Variants in MAP3K15 observed in about 807,000 individuals in gnomAD.
MAP3K15 encodes MAPK/ERK kinase kinase 15.
MAP3K15 carries 124 observed loss-of-function variants against 99.5 expected under a neutral mutation model. The observed-to-expected ratio is 1.25, with a 90% confidence interval of 1.08 to 1.45. The LOEUF is 1.45. Among genes scored for constraint, MAP3K15 ranks in the 40% most tolerant of loss-of-function variants. The probability of loss-of-function intolerance (pLI) is 0.00; values close to 1 mark genes in which losing one functional copy is unlikely to be tolerated. For synonymous variants in MAP3K15, 494 were observed against 439.6 expected (o/e 1.12, Z -1.55); for missense variants, 1,242 against 1,079.7 (o/e 1.15, Z -2.11).
intron 3 of MAP3K15, among the ~76,000 whole-genome samples, chrX:19,485,748 C>G (rs2064320379): frequency 9.1e-6 from 1 of 110,463 alleles, no homozygotes; most frequent in Non-Finnish European, 1.9e-5. Flanking sequence ...GAGACTAAGG[C>G]TGTAAGGTGG....
intron 3 of MAP3K15, among the ~76,000 whole-genome samples, chrX:19,481,610 G>A (rs1247192002): frequency 1.8e-5 from 2 of 111,603 alleles, no homozygotes; most frequent in Admixed American, 9.5e-5. Context: ...AATTTTAAAC[G>A]GGCAAAAGAT....
chrX:19,495,845 A>T (rs908917719), intron 1 of MAP3K15, among the ~76,000 whole-genome samples: 3 of 111,506 alleles, frequency 2.7e-5, no homozygotes, highest in South Asian at 3.8e-4. Context: ...CAATATTGTT[A>T]CTTAGGAGGC....
At chrX:19,374,332 C>T (rs1187015791) in intron 20 of MAP3K15, 145 bp downstream of exon 20, 1 of 509,164 alleles carries the variant, frequency 2.0e-6, no homozygotes, top group Non-Finnish European at 3.2e-6. Context: ...CTGCACAGGC[C>T]CCGTCACTCT....
chrX:19,373,511 G>A, intron 21 of MAP3K15, 25 bp downstream of exon 21: 3 of 1,164,064 alleles, frequency 2.6e-6, no homozygotes, highest in Non-Finnish European at 3.4e-6. Flanking sequence ...CGGGCCCGCG[G>A]CAGACAGACA....
At chrX:19,376,547 G>C (rs2063419199) in intron 19 of MAP3K15, among the ~76,000 whole-genome samples, 1 of 110,409 alleles carries the variant, frequency 9.1e-6, no homozygotes, top group African/African-American at 3.3e-5. Context: ...CTGGGCCCAA[G>C]GGATCCTCCT....
intron 6 of MAP3K15, among the ~76,000 whole-genome samples, chrX:19,434,104 T>G (rs1230472799): frequency 8.9e-6 from 1 of 112,654 alleles, no homozygotes; most frequent in African/African-American, 3.2e-5. Context: ...TCTGTAAGGA[T>G]ACATATTAAA....
At chrX:19,435,329 G>A (rs2063914045) in intron 6 of MAP3K15, among the ~76,000 whole-genome samples, 2 of 108,803 alleles carry the variant, frequency 1.8e-5, no homozygotes, top group Admixed American at 2.0e-4. Context: ...AGGCTCAAGC[G>A]ATCCACCCAC....
chrX:19,505,539 A>T (rs1220673047), intron 1 of MAP3K15, among the ~76,000 whole-genome samples: 1 of 110,824 alleles, frequency 9.0e-6, no homozygotes, highest in Non-Finnish European at 1.9e-5. Context: ...ATCATCGTCT[A>T]TATGGGGACT....
chrX:19,497,865 C>G (rs2064417198), intron 1 of MAP3K15: 1 of 111,281 alleles, frequency 9.0e-6, no homozygotes, highest in Non-Finnish European at 1.9e-5. Flanking sequence ...TTGCGTTCCT[C>G]TGCACAGGAC....
chrX:19,371,457 G>C lies in MAP3K15; in HGVS notation c.3182C>G (p.Ser1061Cys). The C allele has an allele frequency of 8.3e-7, 1 of 1,210,698 alleles. No individual in the cohort carries two copies. The highest frequency in any genetic ancestry group is 1.8e-5 in the South Asian group (1 of 56,927). ...GGTCGCCATCACCCGGTGCTCTGGG[G>C]AGCGGATGAAGTCCCTCAGGATCCC... ...IIGILRDFIR[S>C]PEHRVMATTI... The change falls in exon 23 of 29, where the codon TCC becomes TGC. Residue 1061 changes from serine to cysteine, a missense_variant. Coordinates refer to ENST00000338883, the MANE Select transcript of MAP3K15 (RefSeq NM_001001671.4).
At chrX:19,487,144 G>A (rs1452696849) in intron 2 of MAP3K15, among the ~76,000 whole-genome samples, 1 of 106,096 alleles carries the variant, frequency 9.4e-6, no homozygotes, top group Non-Finnish European at 1.9e-5. Flanking sequence ...GGGGGGAAGG[G>A]CGGAGAAAAC....
chrX:19,502,533 T>C (rs182933538), intron 1 of MAP3K15, among the ~76,000 whole-genome samples: 3 of 111,601 alleles, frequency 2.7e-5, no homozygotes, highest in Middle Eastern at 4.2e-3. Context: ...TAAACCTCTT[T>C]TGGGGCCAGG....
At chrX:19,406,913 CTGG>C (rs1380613254) in intron 13 of MAP3K15, among the ~76,000 whole-genome samples, 1 of 111,642 alleles carries the variant, frequency 9.0e-6, no homozygotes, top group Non-Finnish European at 1.9e-5. Context: ...GTTGGTCAGG[CTGG>C]TCTCAAACTC....
rs994107163 is a variant in MAP3K15 at position 19,392,189 on chromosome X, G to A, written c.2326-82C>T. 5.8e-6 allele frequency: 6 copies of A among 1,039,578 alleles called. No individual in the cohort carries two copies. The East Asian group carries it at 9.1e-5, about 16-fold the overall frequency. 85.7% of individuals were successfully genotyped at this position (1,039,578 alleles called of 1,213,427 possible). A position where few individuals can be genotyped will look rare whatever the true frequency, so the allele number is the denominator to read the frequency against. On this transcript the variant is annotated intron_variant, in intron 17 of 28. Transcript: ENST00000338883. The stretch of plus-strand genomic sequence containing the variant: ...AAACAGATCTGGACCTTGGGAAACC[G>A]TCACAAGTCTCTAGGAAAACTAGAC...
chrX:19,509,171 G>A (rs1330493518), intron 1 of MAP3K15, among the ~76,000 whole-genome samples: 2 of 111,399 alleles, frequency 1.8e-5, no homozygotes, highest in Non-Finnish European at 3.8e-5. Context: ...TTGACTTGCT[G>A]TGAGAACAGG....
intron 5 of MAP3K15, among the ~76,000 whole-genome samples, chrX:19,457,978 G>T (rs1455191929): frequency 8.9e-6 from 1 of 111,944 alleles, no homozygotes; most frequent in African/African-American, 3.2e-5. Context: ...TCTAAACTCT[G>T]CATAATTACC....
chrX:19,497,968 A>T (rs1010557730), intron 1 of MAP3K15, among the ~76,000 whole-genome samples: 8 of 111,593 alleles, frequency 7.2e-5, no homozygotes, highest in Non-Finnish European at 1.3e-4. Context: ...ACTACATGAT[A>T]ACTGCCCAAG....
At chrX:19,431,940 CT>C (rs773036480) in intron 6 of MAP3K15, among the ~76,000 whole-genome samples, 12,228 of 80,976 alleles carry the variant, frequency 0.15, 2,132 homozygotes, top group African/African-American at 0.46. Context: ...TGAGACCCTG[CT>C]TTTTTTTTTT....
In MAP3K15 at chrX:19,371,002, G is replaced by C; in HGVS notation, c.3357C>G (p.Ile1119Met). ...CCGCGGCCTGCACCGCTCGGCGGAT[G>C]ATGTTGTCCATCGCGAACATCCAGT... ...RPHWMFAMDN[I>M]IRRAVQAAVT... The change falls in exon 24 of 29, where the codon ATC becomes ATG. Residue 1119 changes from isoleucine (I) to methionine (M), a missense_variant. By Grantham distance (10) the Ile-to-Met change is conservative. Transcript: ENST00000338883. The C allele has an allele frequency of 8.5e-7, 1 of 1,170,575 alleles. No individual in the cohort carries two copies. The highest frequency in any genetic ancestry group is 1.1e-6 in the Non-Finnish European group (1 of 882,013).
Sources: allele counts gnomAD v4.1 joint callset (sites outside exome capture counted in the v4.1 genomes callset), GRCh38; gene constraint gnomAD v4.1.1; transcripts MANE v1.5; gene names NCBI Gene and HGNC (gene_info 2026-07-23, HGNC 2026-07-21).